The following PTPRT variants were observed in gnomAD, a reference collection of about 807,000 sequenced individuals.
The protein encoded by PTPRT is protein tyrosine phosphatase receptor type T.
PTPRT carries 56 observed loss-of-function variants against 176.8 expected under a neutral mutation model. The ratio of observed to expected loss-of-function variants is 0.32; its 90% CI spans 0.26 to 0.40. PTPRT has a LOEUF of 0.40. Ranked by LOEUF, PTPRT falls within the 10% of genes least tolerant of loss-of-function variation. The pLI is 1.00. For missense variants in PTPRT, 1,540 were observed against 1,908.2 expected, an observed-to-expected ratio of 0.81 and a Z score of 3.60; for synonymous variants, 783 against 739.0, an observed-to-expected ratio of 1.06 and a Z score of -0.96.
At chr20:42,139,690 G>A (rs1252404566) in intron 18 of PTPRT, among the ~76,000 whole-genome samples, 2 of 152,222 alleles carry the variant, frequency 1.3e-5, no homozygotes, top group Admixed American at 6.5e-5. Context: ...GCAGGGCAGG[G>A]CTAGGGTGAA....
intron 11 of PTPRT, among the ~76,000 whole-genome samples, chr20:42,326,517 TG>T: frequency 6.6e-6 from 1 of 152,226 alleles, no homozygotes. Context: ...ATAAATACAC[TG>T]TACACCATGG....
At chr20:43,162,546 G>A (rs1052686565) in intron 1 of PTPRT, among the ~76,000 whole-genome samples, 2 of 152,150 alleles carry the variant, frequency 1.3e-5, no homozygotes, top group African/African-American at 4.8e-5. Context: ...GTCCCATCCT[G>A]GGCCACTAAA....
At chr20:42,365,337 T>G (rs1038271088) in intron 9 of PTPRT, among the ~76,000 whole-genome samples, 1 of 152,222 alleles carries the variant, frequency 6.6e-6, no homozygotes, top group African/African-American at 2.4e-5. Flanking sequence ...TATTTAGACT[T>G]TCTGTGTTGT....
intron 1 of PTPRT, among the ~76,000 whole-genome samples, chr20:42,989,596 C>G (rs930417166): frequency 2.0e-5 from 3 of 152,182 alleles, no homozygotes; most frequent in African/African-American, 7.2e-5. Flanking sequence ...ATACAAAACT[C>G]CACTGGCTCC....
At chr20:42,907,378 A>C (rs2079491896) in intron 1 of PTPRT, among the ~76,000 whole-genome samples, 1 of 152,214 alleles carries the variant, frequency 6.6e-6, no homozygotes, top group Admixed American at 6.5e-5. Flanking sequence ...AGCAGAATCC[A>C]TATCAGTGTA....
intron 9 of PTPRT, among the ~76,000 whole-genome samples, chr20:42,427,513 TTCTA>T (rs1207958742): frequency 1.3e-4 from 12 of 89,824 alleles, no homozygotes; most frequent in African/African-American, 6.2e-4. Flanking sequence ...CGATGGCGCC[TTCTA>T]GCTGTGTCTT....
intron 1 of PTPRT, among the ~76,000 whole-genome samples, chr20:42,953,720 C>G (rs563051069): frequency 5.9e-5 from 9 of 152,134 alleles, no homozygotes; most frequent in African/African-American, 1.9e-4. Flanking sequence ...TCCACCTTGC[C>G]AATTTCTTAG....
chr20:42,529,738 C>T (rs2072345829), intron 7 of PTPRT, among the ~76,000 whole-genome samples: 1 of 151,620 alleles, frequency 6.6e-6, no homozygotes, highest in African/African-American at 2.4e-5. Context: ...CCACTGTCCT[C>T]AGTCTCCCAA....
intron 7 of PTPRT, among the ~76,000 whole-genome samples, chr20:42,598,519 G>T (rs2073716205): frequency 6.6e-6 from 1 of 152,150 alleles, no homozygotes; most frequent in African/African-American, 2.4e-5. Flanking sequence ...ACTTGTTAGG[G>T]AAGACACAAA....
At chr20:42,194,409 C>T (rs989787860) in intron 16 of PTPRT, among the ~76,000 whole-genome samples, 21 of 152,102 alleles carry the variant, frequency 1.4e-4, no homozygotes, top group South Asian at 4.1e-4. Context: ...AAAATCAGGA[C>T]GGAGTTAACT....
chr20:42,916,343 T>C (rs541008471), intron 1 of PTPRT, among the ~76,000 whole-genome samples: 1 of 152,174 alleles, frequency 6.6e-6, no homozygotes, highest in Non-Finnish European at 1.5e-5. Flanking sequence ...ATGTGCCACA[T>C]TTTCTTAATC....
intron 25 of PTPRT, among the ~76,000 whole-genome samples, chr20:42,103,163 T>C (rs1986110474): frequency 6.6e-6 from 1 of 152,188 alleles, no homozygotes; most frequent in Non-Finnish European, 1.5e-5. Context: ...GGTCTTGGGA[T>C]AAAGGGCTGG....
In PTPRT at chr20:42,384,854, C is replaced by A. The variant is rs1600931170; in HGVS notation, c.1561-32569G>T. Among the ~76,000 whole-genome samples, 5 of 152,264 alleles carry A rather than the reference C, an allele frequency of 3.3e-5. No homozygotes were observed. The South Asian group carries it at 1.0e-3, about 32-fold the overall frequency. On this transcript the variant is annotated intron_variant, in intron 9 of 30. Coordinates refer to ENST00000373187, the MANE Select transcript of PTPRT (RefSeq NM_007050.6). ...CATGATGATTAGTGATGTTTAGAAT[C>A]TTTTCATGTACTTGTTGTCCATTTG...
intron 1 of PTPRT, among the ~76,000 whole-genome samples, chr20:42,906,954 T>C (rs2145926235): frequency 6.6e-6 from 1 of 152,144 alleles, no homozygotes; most frequent in East Asian, 1.9e-4. Context: ...AAGTTCAAAA[T>C]TACCGCATCT....
At chr20:42,458,956 T>C (rs1184637102) in intron 8 of PTPRT, among the ~76,000 whole-genome samples, 1 of 152,116 alleles carries the variant, frequency 6.6e-6, no homozygotes, top group African/African-American at 2.4e-5. Context: ...AGACAGATAA[T>C]AAAACATATA....
intron 1 of PTPRT, among the ~76,000 whole-genome samples, chr20:43,105,372 C>T (rs2012561281): frequency 6.6e-6 from 1 of 151,952 alleles, no homozygotes; most frequent in Admixed American, 6.6e-5. Flanking sequence ...TTACCGACTC[C>T]ATGAAGATCA....
intron 19 of PTPRT, among the ~76,000 whole-genome samples, chr20:42,127,888 G>A (rs1987936955): frequency 6.6e-6 from 1 of 152,028 alleles, no homozygotes; most frequent in Admixed American, 6.6e-5. Context: ...TCTTCCCTCG[G>A]ATCTGTCTTA....
chr20:43,021,586 G>C (rs1041510411), intron 1 of PTPRT, among the ~76,000 whole-genome samples: 1 of 152,034 alleles, frequency 6.6e-6, no homozygotes, highest in African/African-American at 2.4e-5. Flanking sequence ...GCTGAATGGG[G>C]GCTGGGCTGG....
At chr20:42,927,612 G>T (rs1979571643) in intron 1 of PTPRT, among the ~76,000 whole-genome samples, 1 of 151,806 alleles carries the variant, frequency 6.6e-6, no homozygotes, top group African/African-American at 2.4e-5. Context: ...GAAAGGGAAG[G>T]GGAAGGAAAA....
Sources: gnomAD v4.1 joint callset for allele counts (sites outside exome capture counted in the v4.1 genomes callset) on GRCh38, gnomAD v4.1.1 for gene constraint, MANE v1.5 for transcripts, NCBI Gene and HGNC (gene_info 2026-07-23, HGNC 2026-07-21) for gene names.